The following DACH1 variants were observed in gnomAD, a reference collection of about 807,000 sequenced individuals.
The protein encoded by DACH1 is dachshund homolog 1.
In DACH1, 12 loss-of-function variants were observed where a neutral mutation model predicts 54.2. That is an observed-to-expected ratio of 0.22 (90% CI 0.14 to 0.36). The LOEUF (loss-of-function observed/expected upper bound fraction) is 0.36. Ranked by LOEUF, DACH1 falls within the 10% of genes least tolerant of loss-of-function variation. The pLI, the probability that DACH1 is intolerant of heterozygous loss-of-function variation, is 1.00. For synonymous variants in DACH1, 386 were observed against 366.2 expected, an observed-to-expected ratio of 1.05 and a Z score of -0.62; for missense variants, 805 against 929.8, an observed-to-expected ratio of 0.87 and a Z score of 1.75.
At chr13:71,476,123 T>C (rs1877500906) in intron 8 of DACH1, among the ~76,000 whole-genome samples, 1 of 152,158 alleles carries the variant, frequency 6.6e-6, no homozygotes. Context: ...AGGAAACTAA[T>C]TTTAGTAAAT....
intron 4 of DACH1, among the ~76,000 whole-genome samples, 159 bp from the exon 5 acceptor site, chr13:71,560,114 G>A (rs1410731042): frequency 6.6e-6 from 1 of 152,156 alleles, no homozygotes; most frequent in Admixed American, 6.5e-5. Context: ...TGTTTATCTT[G>A]AGCAAGCCAA....
intron 1 of DACH1, among the ~76,000 whole-genome samples, chr13:71,712,292 C>G (rs1882757092): frequency 6.6e-6 from 1 of 150,816 alleles, no homozygotes; most frequent in Non-Finnish European, 1.5e-5. Flanking sequence ...TTTTGAATAT[C>G]AATTCATATT....
chr13:71,704,625 G>T, intron 1 of DACH1: 1 of 417,758 alleles, frequency 2.4e-6, no homozygotes. Context: ...CTGAGCTGCT[G>T]GAACCTCTTC....
intron 2 of DACH1, among the ~76,000 whole-genome samples, chr13:71,646,867 A>T (rs965012495): frequency 3.7e-4 from 56 of 152,346 alleles, no homozygotes; most frequent in African/African-American, 1.3e-3. Context: ...GCAATAAAAT[A>T]TCCATTTAAT....
chr13:71,714,946 T>C (rs147759482), intron 1 of DACH1, among the ~76,000 whole-genome samples: 435 of 152,136 alleles, frequency 2.9e-3, no homozygotes, highest in Admixed American at 4.5e-3. Flanking sequence ...GGAGTTAAGG[T>C]TGTGACTTAA....
chr13:71,611,840 A>T (rs1420458798), intron 3 of DACH1, among the ~76,000 whole-genome samples: 1 of 152,086 alleles, frequency 6.6e-6, no homozygotes, highest in South Asian at 2.1e-4. Flanking sequence ...CCTCCTTTTT[A>T]TTATTATTCA....
chr13:71,849,525 A>G (rs532416228), intron 1 of DACH1, among the ~76,000 whole-genome samples: 9 of 152,330 alleles, frequency 5.9e-5, no homozygotes, highest in African/African-American at 2.2e-4. Context: ...TAAGATGGCC[A>G]AAACCCTTTT....
At chr13:71,675,114 C>T (rs1880475428) in intron 2 of DACH1, 1 of 1,579,184 alleles carries the variant, frequency 6.3e-7, no homozygotes, top group South Asian at 1.1e-5. Flanking sequence ...GTAAAGCACC[C>T]AGGAAGTAAC....
intron 6 of DACH1, among the ~76,000 whole-genome samples, chr13:71,549,034 A>G (rs1883638038): frequency 6.6e-6 from 1 of 152,138 alleles, no homozygotes; most frequent in African/African-American, 2.4e-5. Context: ...TCCATACTAG[A>G]CTATGCAAAC....
At chr13:71,839,655 C>A (rs1348950491) in intron 1 of DACH1, among the ~76,000 whole-genome samples, 2 of 151,870 alleles carry the variant, frequency 1.3e-5, no homozygotes, top group African/African-American at 4.8e-5. Flanking sequence ...GAGTTCACAC[C>A]AAAATCTAGG....
intron 6 of DACH1, among the ~76,000 whole-genome samples, chr13:71,509,608 A>C (rs376395680): frequency 6.6e-6 from 1 of 152,198 alleles, no homozygotes; most frequent in African/African-American, 2.4e-5. Context: ...ATTTTTACTA[A>C]GTTTTTCAAT....
intron 3 of DACH1, among the ~76,000 whole-genome samples, chr13:71,585,183 T>G (rs1014933834): frequency 6.6e-6 from 1 of 151,828 alleles, no homozygotes; most frequent in Non-Finnish European, 1.5e-5. Context: ...GGAGTTTATA[T>G]TAAAACTACA....
At chr13:71,573,580 G>T in intron 3 of DACH1, 1 of 520,454 alleles carries the variant, frequency 1.9e-6, no homozygotes, top group Non-Finnish European at 3.5e-6. Context: ...CTGCCTGTGG[G>T]GAATGAATAT....
chr13:71,561,169 C>T (rs1342262530), intron 4 of DACH1, among the ~76,000 whole-genome samples: 2 of 152,104 alleles, frequency 1.3e-5, no homozygotes, highest in Non-Finnish European at 2.9e-5. Flanking sequence ...GGTTTGAAAT[C>T]CTGCTGCACA....
chr13:71,667,227 G>A (rs978426136), intron 2 of DACH1, among the ~76,000 whole-genome samples: 1 of 152,078 alleles, frequency 6.6e-6, no homozygotes, highest in East Asian at 1.9e-4. Flanking sequence ...GATAATGGTA[G>A]TCCATGACAT....
At chr13:71,677,095 C>G (rs1880616703) in intron 2 of DACH1, among the ~76,000 whole-genome samples, 1 of 151,940 alleles carries the variant, frequency 6.6e-6, no homozygotes, top group African/African-American at 2.4e-5. Flanking sequence ...GGCAAATACA[C>G]TATCCAAATT....
At chr13:71,723,725 G>C (rs755208979) in intron 1 of DACH1, among the ~76,000 whole-genome samples, 1 of 152,142 alleles carries the variant, frequency 6.6e-6, no homozygotes, top group East Asian at 1.9e-4. Context: ...GAGTCTCACT[G>C]CCTTTTCCAG....
chr13:71,462,198 G>C (rs1250142456), intron 10 of DACH1, among the ~76,000 whole-genome samples: 1 of 151,848 alleles, frequency 6.6e-6, no homozygotes, highest in Non-Finnish European at 1.5e-5. Flanking sequence ...AGAGTCTGCA[G>C]TTACTCCACA....
intron 1 of DACH1, among the ~76,000 whole-genome samples, chr13:71,731,527 C>A (rs1188817006): frequency 6.6e-6 from 1 of 152,130 alleles, no homozygotes; most frequent in Non-Finnish European, 1.5e-5. Flanking sequence ...TCGTGCTCGA[C>A]CCGCCTCGGC....
Sources: allele counts gnomAD v4.1 joint callset (sites outside exome capture counted in the v4.1 genomes callset), GRCh38; gene constraint gnomAD v4.1.1; transcripts MANE v1.5; gene names NCBI Gene and HGNC (gene_info 2026-07-23, HGNC 2026-07-21).